PCDH15: variants seen among roughly 807,000 people sequenced by gnomAD.
The protein encoded by PCDH15 is protocadherin related 15, also known as protocadherin-15.
PCDH15 carries 129 observed loss-of-function variants against 178.5 expected under a neutral mutation model. The ratio of observed to expected loss-of-function variants is 0.72; its 90% confidence interval spans 0.63 to 0.84. The LOEUF (loss-of-function observed/expected upper bound fraction) is 0.84, where lower values mean the gene tolerates loss of function less well. Among genes scored for constraint, PCDH15 ranks in the 40% least tolerant of loss-of-function variants. The pLI is 0.00. For missense variants in PCDH15, 2,230 were observed against 2,099.9 expected (o/e 1.06, Z -1.21); for synonymous variants, 800 against 732.0 (o/e 1.09, Z -1.50).
Position 54,773,193 on chromosome 10 carries a change from T to C in PCDH15, c.-29+27732A>G, listed in dbSNP as rs148049205. 6.6e-3 allele frequency among the ~76,000 whole-genome samples: 1,006 copies of C among 152,234 alleles called. 9 individuals carry two copies. Among genetic ancestry groups the C allele is most frequent in the African/African-American group, 0.018 (731 of 41,530 alleles). ...TATGCATCTCTGCAGCAAACCACCATGGCACACATTTACCTATGTAACAAA... is the reference window on the plus strand; with the variant it reads ...TATGCATCTCTGCAGCAAACCACCACGGCACACATTTACCTATGTAACAAA... On this transcript the variant is annotated intron_variant, in intron 1 of 37. Transcript: ENST00000644397.
intron 6 of PCDH15, among the ~76,000 whole-genome samples, chr10:54,338,430 C>A (rs911292466): frequency 6.6e-6 from 1 of 152,068 alleles, no homozygotes; most frequent in Non-Finnish European, 1.5e-5. Flanking sequence ...TATACACACA[C>A]ACAGAACTAC....
chr10:53,884,024 TA>T (rs11379965), intron 26 of PCDH15, among the ~76,000 whole-genome samples: 1 of 151,452 alleles, frequency 6.6e-6, no homozygotes, highest in Non-Finnish European at 1.5e-5. Context: ...CCTGTTTTTG[TA>T]AAAAAACAAA....
chr10:54,239,815 C>A (rs1469979651), intron 8 of PCDH15, among the ~76,000 whole-genome samples: 2 of 151,804 alleles, frequency 1.3e-5, no homozygotes, highest in African/African-American at 4.8e-5. Context: ...CCTTCTGCTA[C>A]CATAAATGAA....
chr10:53,977,888 T>G (rs547743228), intron 21 of PCDH15, among the ~76,000 whole-genome samples: 1 of 152,298 alleles, frequency 6.6e-6, no homozygotes, highest in South Asian at 2.1e-4. Flanking sequence ...AGTTAAATCT[T>G]AAAGCTCCCA....
In PCDH15 at chr10:55,071,326, A is replaced by G. The variant is rs994991472; in HGVS notation, c.-80+95250T>C. On this transcript the variant is annotated intron_variant, in intron 2 of 5. Coordinates refer to the PCDH15 transcript ENST00000458638. The stretch of plus-strand genomic sequence containing the variant: ...GGCAAATTGGACAGAGTCAAGACCC[A>G]TCAGTGTGCTGTATTCAGGACACCC... Among the ~76,000 whole-genome samples, 68 of 152,126 alleles carry G rather than the reference A, an allele frequency of 4.5e-4. 1 individual carries two copies. The highest frequency in any genetic ancestry group is 4.4e-5 in the Non-Finnish European group (3 of 68,030).
intron 21 of PCDH15, among the ~76,000 whole-genome samples, chr10:53,966,675 A>T (rs1398963133): frequency 2.6e-5 from 4 of 152,028 alleles, no homozygotes; most frequent in Admixed American, 2.0e-4. Context: ...TACTCTAAAA[A>T]AGTTATAAAC....
intron 1 of PCDH15, among the ~76,000 whole-genome samples, chr10:54,702,076 T>C (rs1489508226): frequency 6.6e-6 from 1 of 151,948 alleles, no homozygotes; most frequent in Non-Finnish European, 1.5e-5. Context: ...CCTCAGCATA[T>C]GCAACAAAAT....
intron 2 of PCDH15, among the ~76,000 whole-genome samples, chr10:54,616,468 A>AT (rs1437118930): frequency 6.6e-6 from 1 of 151,986 alleles, no homozygotes; most frequent in African/African-American, 2.4e-5. Context: ...AGTGTGTCCT[A>AT]TTTTTTCAAA....
intron 3 of PCDH15, among the ~76,000 whole-genome samples, chr10:54,815,615 T>C (rs1952934760): frequency 1.3e-5 from 2 of 152,122 alleles, no homozygotes; most frequent in Admixed American, 6.6e-5. Context: ...ATTTTTGTCA[T>C]GTTTAATGCA....
intron 8 of PCDH15, among the ~76,000 whole-genome samples, chr10:54,293,851 C>T (rs1320615420): frequency 2.0e-5 from 3 of 152,170 alleles, no homozygotes; most frequent in African/African-American, 4.8e-5. Flanking sequence ...GAAATAGGCA[C>T]ACTTTTACAC....
At chr10:54,944,487 T>C (rs1838143198) in intron 2 of PCDH15, among the ~76,000 whole-genome samples, 1 of 151,938 alleles carries the variant, frequency 6.6e-6, no homozygotes, top group Admixed American at 6.6e-5. Context: ...TCAGAGGAGC[T>C]GTCTGGATTT....
chr10:54,960,303 G>A (rs1838609192), intron 2 of PCDH15, among the ~76,000 whole-genome samples: 1 of 152,112 alleles, frequency 6.6e-6, no homozygotes, highest in Non-Finnish European at 1.5e-5. Context: ...CTTACCTCAA[G>A]AGTCTATTCT....
At position 53,823,434 on chromosome 10, in the gene PCDH15, G is replaced by A. The variant is rs375657329; in HGVS notation, c.4368-3204C>T. On this transcript the variant is annotated intron_variant, in intron 32 of 37. Coordinates refer to ENST00000644397, the MANE Select transcript of PCDH15 (RefSeq NM_001384140.1). The stretch of plus-strand genomic sequence containing the variant: ...CTTTCATGAGAAAGATGTTTTTATG[G>A]CTCTCATTACTATTAAATACTTAAA... 7 of 1,335,512 alleles carry A rather than the reference G, an allele frequency of 5.2e-6. No individual in the cohort carries two copies. In the African/African-American group the frequency reaches 5.8e-5, roughly 11 times the overall value. The allele number at this position is 1,335,512 out of a possible 1,614,324, so 82.7% of individuals were successfully genotyped here. A position where few individuals can be genotyped will look rare whatever the true frequency, so the allele number is the denominator to read the frequency against.
rs1837691601 is a variant in PCDH15 at position 55,387,499 on chromosome 10, T to C, written c.-155-220848A>G. Among the ~76,000 whole-genome samples the C allele has an allele frequency of 2.0e-5, 3 of 152,154 alleles. No homozygotes were observed. The South Asian group carries it at 6.2e-4, about 31-fold the overall frequency. On this transcript the variant is annotated intron_variant, in intron 2 of 5. Transcript: ENST00000613346. The stretch of plus-strand genomic sequence containing the variant: ...CATATCCCCTAGCTGTCAACTGTGC[T>C]ACATAACAACAGTTGGATAGTTCTA...
At position 55,181,920 on chromosome 10, in the gene PCDH15, A is replaced by G. The variant is rs376399794; in HGVS notation, c.-155-15269T>C. ...ACTGTTTTATTAATGTTATCGACCT[A>G]TCCCCAACACTTTACTAGACTTAAA... is the stretch of plus-strand genomic sequence containing the variant. On this transcript the variant is annotated intron_variant, in intron 1 of 5. Coordinates refer to the PCDH15 transcript ENST00000458638. Among the ~76,000 whole-genome samples, 99 of 152,122 alleles carry G rather than the reference A, an allele frequency of 6.5e-4. 1 individual carries two copies. The South Asian group carries it at 0.02, about 31-fold the overall frequency.
intron 21 of PCDH15, among the ~76,000 whole-genome samples, chr10:53,981,493 A>G (rs1042410019): frequency 6.6e-6 from 1 of 152,176 alleles, no homozygotes; most frequent in Non-Finnish European, 1.5e-5. Flanking sequence ...GGAACAGAAA[A>G]GAGCCTTCAG....
intron 2 of PCDH15, among the ~76,000 whole-genome samples, chr10:55,134,564 T>C (rs985577797): frequency 1.3e-5 from 2 of 152,216 alleles, no homozygotes; most frequent in African/African-American, 2.4e-5. Flanking sequence ...CCTTGTGATG[T>C]CCTACTCCAT....
chr10:55,222,730 C>CACACACACACATATATAT, intron 1 of PCDH15, among the ~76,000 whole-genome samples: 3 of 121,264 alleles, frequency 2.5e-5, no homozygotes, highest in African/African-American at 1.0e-4. Flanking sequence ...CACACACACA[C>CACACACACACATATATAT]ATATATATAT....
chr10:53,841,282 T>C (rs2077626537), intron 28 of PCDH15, among the ~76,000 whole-genome samples: 1 of 152,102 alleles, frequency 6.6e-6, no homozygotes, highest in African/African-American at 2.4e-5. Context: ...AATTCAGTAT[T>C]TACAGATGTT....
Sources: gnomAD v4.1 joint callset for allele counts (sites outside exome capture counted in the v4.1 genomes callset) on GRCh38, gnomAD v4.1.1 for gene constraint, MANE v1.5 for transcripts, NCBI Gene and HGNC (gene_info 2026-07-23, HGNC 2026-07-21) for gene names.